Variants in SUMF1 observed in about 807,000 individuals in gnomAD.
SUMF1 encodes sulfatase modifying factor 1.
Under a neutral mutation model 47.6 loss-of-function variants are expected in SUMF1, and 48 were observed. That is an observed-to-expected ratio of 1.01 (90% confidence interval 0.80 to 1.28). The LOEUF (loss-of-function observed/expected upper bound fraction) is 1.28, where lower values mean the gene tolerates loss of function less well. Among genes scored for constraint, SUMF1 ranks in the 50% most tolerant of loss-of-function variants. SUMF1 has a pLI of 0.00. For synonymous variants in SUMF1, 230 were observed against 192.1 expected (o/e 1.20, Z -1.63); for missense variants, 571 against 485.4 (o/e 1.18, Z -1.66).
chr3:4,422,110 G>T (rs185382176), intron 3 of SUMF1, among the ~76,000 whole-genome samples: 158 of 152,320 alleles, frequency 1.0e-3, no homozygotes, highest in African/African-American at 3.3e-3. Flanking sequence ...TTATTTTACA[G>T]AGAACAGGGG....
At chr3:4,172,678 C>G (rs1487677739) in intron 8 of SUMF1, among the ~76,000 whole-genome samples, 2 of 130,904 alleles carry the variant, frequency 1.5e-5, no homozygotes, top group African/African-American at 5.7e-5. Flanking sequence ...CCTTTGCCCA[C>G]TTTTTGATGG....
At chr3:4,065,325 G>C (rs1447066717) in intron 9 of SUMF1, among the ~76,000 whole-genome samples, 1 of 152,078 alleles carries the variant, frequency 6.6e-6, no homozygotes, top group Non-Finnish European at 1.5e-5. Flanking sequence ...AAATGAGAAT[G>C]GGAAATCTAA....
chr3:4,039,209 A>ATTTTTTTTTTTTTTTTTTTTTTTTT (rs775459424), intron 9 of SUMF1, among the ~76,000 whole-genome samples: 1 of 39,472 alleles, frequency 2.5e-5, no homozygotes, highest in African/African-American at 7.5e-5. Context: ...ATCTATGCAA[A>ATTTTTTTTTTTTTTTTTTTTTTTTT]TTTTTTTTTT....
chr3:4,464,788 C>G (rs774726244), intron 1 of SUMF1, among the ~76,000 whole-genome samples: 1 of 152,176 alleles, frequency 6.6e-6, no homozygotes, highest in Non-Finnish European at 1.5e-5. Flanking sequence ...GATAACAAGA[C>G]TGCTTCAGTT....
At chr3:4,259,193 G>A (rs1259115756) in intron 8 of SUMF1, among the ~76,000 whole-genome samples, 1 of 151,762 alleles carries the variant, frequency 6.6e-6, no homozygotes, top group African/African-American at 2.4e-5. Flanking sequence ...CAGCGCACCA[G>A]CATGGCACAT....
At chr3:4,118,698 C>T (rs1471660639) in intron 8 of SUMF1, among the ~76,000 whole-genome samples, 1 of 152,078 alleles carries the variant, frequency 6.6e-6, no homozygotes, top group Non-Finnish European at 1.5e-5. Context: ...TTCCAATACT[C>T]ATGCTACTTG....
intron 8 of SUMF1, among the ~76,000 whole-genome samples, chr3:4,253,964 C>G (rs560175795): frequency 3.3e-5 from 5 of 150,898 alleles, no homozygotes; most frequent in Admixed American, 1.3e-4. Context: ...CCCTGACCCC[C>G]GAGCAGCCTA....
intron 8 of SUMF1, among the ~76,000 whole-genome samples, chr3:4,174,619 A>G (rs2266419): frequency 0.34 from 51,563 of 151,832 alleles, 8,970 homozygotes; most frequent in East Asian, 0.4. Context: ...CAGCATGATC[A>G]ACGCAGAAGA....
intron 8 of SUMF1, among the ~76,000 whole-genome samples, chr3:4,204,497 T>C (rs1051189044): frequency 2.0e-5 from 3 of 152,136 alleles, no homozygotes; most frequent in African/African-American, 4.8e-5. Context: ...TATAACCTTC[T>C]TGTGCTTGAA....
At chr3:4,273,727 A>T in intron 8 of SUMF1, among the ~76,000 whole-genome samples, 1 of 86,216 alleles carries the variant, frequency 1.2e-5, no homozygotes, top group Non-Finnish European at 2.2e-5. Context: ...GAGGGAGGAT[A>T]CGGGAGGGAG....
rs764472752 is a variant in SUMF1, at chr3:4,452,994, T to C, written c.326A>G (p.Lys109Arg). The change falls in exon 2 of 9, where the codon AAG (lysine) becomes AGG (arginine). Residue 109 changes from lysine to arginine, a missense_variant. By Grantham distance (26) the Lys-to-Arg change is conservative. Coordinates refer to ENST00000272902, the MANE Select transcript of SUMF1 (RefSeq NM_182760.4). ...FTMGTDDPQI[K>R]QDGEAPARRV... ...CCTCGCAGGTGCTTCCCCATCCTGC[T>C]TTATCTGAGGATCATCTGTGCCCAT... 6.2e-7 allele frequency: 1 copy of C among 1,614,142 alleles called. No individual in the cohort carries two copies. The highest frequency in any genetic ancestry group is 8.5e-7 in the Non-Finnish European group (1 of 1,180,036).
At position 4,110,850 on chromosome 3, in the gene SUMF1, G is replaced by C. The variant is rs1166246894; in HGVS notation, c.1015-42105C>G. On this transcript the variant is annotated intron_variant and NMD_transcript_variant, in intron 8 of 12. Transcript: ENST00000448413. ...ACACACTGGGGCCTGTTGTGGGGTG[G>C]GGGGAGGGGGGAGGGATAGCACTAG... 4.4e-5 allele frequency among the ~76,000 whole-genome samples: 5 copies of C among 113,038 alleles called. No homozygotes were observed. The South Asian group carries it at 1.1e-3, about 26-fold the overall frequency. The allele number at this position is 113,038 out of a possible 152,430, so 74.2% of individuals were successfully genotyped here.
intron 8 of SUMF1, among the ~76,000 whole-genome samples, chr3:4,297,585 T>TTTTA (rs1697879437): frequency 6.7e-6 from 1 of 148,252 alleles, no homozygotes. Context: ...TTTTTTTTTT[T>TTTTA]GAGATGGAGT....
chr3:4,254,052 C>G (rs1696882121), intron 8 of SUMF1, among the ~76,000 whole-genome samples: 1 of 151,412 alleles, frequency 6.6e-6, no homozygotes, highest in Admixed American at 6.6e-5. Context: ...AGCTGAGGGT[C>G]CTGTCTGTTA....
chr3:4,215,171 C>A (rs944215878), intron 8 of SUMF1, among the ~76,000 whole-genome samples: 4 of 152,142 alleles, frequency 2.6e-5, no homozygotes, highest in African/African-American at 9.7e-5. Context: ...AAACCAAATC[C>A]AGCAGCACAT....
intron 8 of SUMF1, among the ~76,000 whole-genome samples, chr3:4,072,291 A>G (rs1449205629): frequency 6.6e-6 from 1 of 152,194 alleles, no homozygotes; most frequent in Non-Finnish European, 1.5e-5. Flanking sequence ...ATCAACATCA[A>G]CAAAAAGGAC....
downstream of SUMF1, among the ~76,000 whole-genome samples, chr3:4,358,227 G>T (rs542111882): frequency 7.2e-5 from 11 of 152,096 alleles, 1 homozygote; most frequent in East Asian, 1.2e-3. Flanking sequence ...CAACTGTCAT[G>T]TACAGTCCAA....
chr3:4,444,101 A>G (rs930790243), intron 3 of SUMF1, among the ~76,000 whole-genome samples: 7 of 151,970 alleles, frequency 4.6e-5, no homozygotes, highest in South Asian at 2.1e-4. Flanking sequence ...TTTTCAAGGG[A>G]AAAAAATCAG....
intron 8 of SUMF1, among the ~76,000 whole-genome samples, chr3:4,333,751 G>A (rs1699092739): frequency 6.6e-6 from 1 of 152,144 alleles, no homozygotes; most frequent in South Asian, 2.1e-4. Context: ...AGGAGGAATA[G>A]TGTGGAGTAA....
Sources: allele counts gnomAD v4.1 joint callset (sites outside exome capture counted in the v4.1 genomes callset), GRCh38; gene constraint gnomAD v4.1.1; transcripts MANE v1.5; gene names NCBI Gene and HGNC (gene_info 2026-07-23, HGNC 2026-07-21).